GSE1: variants seen among roughly 807,000 people sequenced by gnomAD.
GSE1 encodes Gse1 coiled-coil protein, also known as genetic suppressor element 1.
Under a neutral mutation model 112.6 loss-of-function variants are expected in GSE1, and 32 were observed. The ratio of observed to expected loss-of-function variants is 0.28; its 90% CI spans 0.21 to 0.38. The LOEUF is 0.38. Ranked by LOEUF, GSE1 falls within the 10% of genes least tolerant of loss-of-function variation. The pLI is 1.00. For missense variants in GSE1, 2,348 were observed against 1,699.2 expected (o/e 1.38, Z -6.71); for synonymous variants, 1,115 against 735.6 (o/e 1.52, Z -8.35).
chr16:85,385,648 G>C (rs1489758287), intron 2 of GSE1, among the ~76,000 whole-genome samples: 1 of 152,198 alleles, frequency 6.6e-6, no homozygotes, highest in Non-Finnish European at 1.5e-5. Context: ...ATGGTCATGA[G>C]ACCCGGGGAG....
upstream of GSE1, among the ~76,000 whole-genome samples, chr16:85,612,455 G>A (rs891984474): frequency 2.0e-5 from 3 of 152,256 alleles, no homozygotes; most frequent in Admixed American, 6.5e-5. Context: ...GCCAGTTTCT[G>A]GAGGCGGGCG....
chr16:85,674,532 T>A lies in GSE1; in HGVS notation c.*1993T>A, dbSNP rs903744943. 6.6e-6 allele frequency: 1 copy of A among 152,236 alleles called. No individual in the cohort carries two copies. The highest frequency in any genetic ancestry group is 1.5e-5 in the Non-Finnish European group (1 of 68,036). 9.4% of individuals were successfully genotyped at this position (152,236 alleles called of 1,614,324 possible). A position where few individuals can be genotyped will look rare whatever the true frequency, so the allele number is the denominator to read the frequency against. On this transcript the variant is annotated 3_prime_UTR_variant, in exon 16 of 16. Coordinates refer to ENST00000253458, the MANE Select transcript of GSE1 (RefSeq NM_014615.5). ...TCACTGGATTTCTCCACTGAAAACC[T>A]ACTTGAGGTTTCTGGTCTGAAGGCT...
chr16:85,381,107 T>C (rs1263201394), intron 2 of GSE1, among the ~76,000 whole-genome samples: 1 of 152,162 alleles, frequency 6.6e-6, no homozygotes, highest in Non-Finnish European at 1.5e-5. Flanking sequence ...CGTTCCTCAC[T>C]CCCCCACCTT....
At chr16:85,220,863 G>A (rs1032482818) in intron 1 of GSE1, among the ~76,000 whole-genome samples, 4 of 151,292 alleles carry the variant, frequency 2.6e-5, no homozygotes, top group African/African-American at 4.9e-5. Context: ...TCCCTTTTCC[G>A]TTGCAGGAAA....
intron 2 of GSE1, among the ~76,000 whole-genome samples, chr16:85,501,759 G>A (rs1403661770): frequency 3.3e-5 from 5 of 152,200 alleles, no homozygotes; most frequent in Non-Finnish European, 7.4e-5. Context: ...GGTGAGAACC[G>A]CTCGGGTCAG....
chr16:85,300,131 C>T (rs991297948), intron 1 of GSE1, among the ~76,000 whole-genome samples: 2 of 152,020 alleles, frequency 1.3e-5, no homozygotes, highest in Non-Finnish European at 2.9e-5. Context: ...CCTGCCTCAG[C>T]CTCCCGAGTA....
At chr16:85,174,107 T>G (rs1249039986) in intron 1 of GSE1, among the ~76,000 whole-genome samples, 3 of 151,524 alleles carry the variant, frequency 2.0e-5, no homozygotes, top group African/African-American at 4.9e-5. Flanking sequence ...AGAAAAGAGG[T>G]AGAATTTGTT....
At chr16:85,302,964 C>T (rs961288431) in intron 1 of GSE1, among the ~76,000 whole-genome samples, 4 of 152,234 alleles carry the variant, frequency 2.6e-5, no homozygotes, top group African/African-American at 7.2e-5. Context: ...GGAGCCTCGG[C>T]CTCCCCACTG....
intron 1 of GSE1, among the ~76,000 whole-genome samples, chr16:85,251,559 T>C (rs1306399156): frequency 6.6e-6 from 1 of 152,142 alleles, no homozygotes; most frequent in Non-Finnish European, 1.5e-5. Flanking sequence ...CAGACAGGGC[T>C]GGAGAAGGGC....
chr16:85,251,046 C>T (rs1054260867), intron 1 of GSE1, among the ~76,000 whole-genome samples: 6 of 152,212 alleles, frequency 3.9e-5, no homozygotes, highest in East Asian at 1.9e-4. Context: ...TGCCACGTCT[C>T]GTTATCTGTT....
chr16:85,270,586 C>A (rs1295776406), intron 1 of GSE1, among the ~76,000 whole-genome samples: 1 of 148,954 alleles, frequency 6.7e-6, no homozygotes, highest in Non-Finnish European at 1.5e-5. Context: ...TAAATCAAAG[C>A]TCTCGGGCTG....
intron 1 of GSE1, among the ~76,000 whole-genome samples, chr16:85,283,734 C>T (rs1172069476): frequency 6.6e-6 from 1 of 152,210 alleles, no homozygotes; most frequent in East Asian, 1.9e-4. Context: ...GGCCTGTTCT[C>T]AGTGCTTCAT....
chr16:85,385,760 T>C (rs894471550), intron 2 of GSE1, among the ~76,000 whole-genome samples: 6 of 152,044 alleles, frequency 3.9e-5, no homozygotes, highest in Non-Finnish European at 7.4e-5. Context: ...TCGGCGGTAA[T>C]GGGGTCATAG....
intron 1 of GSE1, among the ~76,000 whole-genome samples, chr16:85,266,821 G>T (rs1327490828): frequency 6.6e-6 from 1 of 152,154 alleles, no homozygotes; most frequent in African/African-American, 2.4e-5. Flanking sequence ...GTGTGTTGAG[G>T]CCTGAGAGGC....
rs560794284 is a variant in GSE1 at position 85,493,440 on chromosome 16, C to T, written c.2464+135797C>T. 1.8e-4 allele frequency among the ~76,000 whole-genome samples: 28 copies of T among 152,056 alleles called. No homozygotes were observed. In the South Asian group the frequency reaches 5.6e-3, roughly 30 times the overall value. On this transcript the variant is annotated intron_variant, in intron 2 of 2. Coordinates refer to the GSE1 transcript ENST00000637419. ...CAGCATGGCCAACAGAGGCAAACCC[C>T]ATCTTTACAAAAAATTATATTAGCC...
chr16:85,357,766 G>A, intron 2 of GSE1: 1 of 473,558 alleles, frequency 2.1e-6, no homozygotes, highest in Non-Finnish European at 3.5e-6. Flanking sequence ...GCATCCTAGG[G>A]GAGAGACCGG....
At chr16:85,613,688 C>T (rs370532396) in intron 1 of GSE1, among the ~76,000 whole-genome samples, 3 of 81,058 alleles carry the variant, frequency 3.7e-5, no homozygotes, top group Admixed American at 1.2e-4. Flanking sequence ...TAAGTGCGTG[C>T]GGGCTAGAGG....
At chr16:85,493,724 A>G (rs2051081798) in intron 2 of GSE1, among the ~76,000 whole-genome samples, 1 of 138,584 alleles carries the variant, frequency 7.2e-6, no homozygotes, top group African/African-American at 2.7e-5. Flanking sequence ...CGGGAGGTAG[A>G]GGTTGTGGTA....
rs765783759 is a variant in GSE1 at position 85,654,470 on chromosome 16, C to T, written c.599+20C>T. On this transcript the variant is annotated intron_variant, in intron 4 of 15. Coordinates refer to ENST00000253458, the MANE Select transcript of GSE1 (RefSeq NM_014615.5). ...ACTCAAGTAAGTTGGTCGGCGGGGACTTCGGTGAGGTGGCCAGGTGGGGAC... is the reference window on the plus strand; with the variant it reads ...ACTCAAGTAAGTTGGTCGGCGGGGATTTCGGTGAGGTGGCCAGGTGGGGAC... The T allele has an allele frequency of 5.2e-6, 8 of 1,552,050 alleles. No homozygotes were observed. In the South Asian group the frequency reaches 9.9e-5, roughly 19 times the overall value.
Sources: gnomAD v4.1 joint callset for allele counts (sites outside exome capture counted in the v4.1 genomes callset) on GRCh38, gnomAD v4.1.1 for gene constraint, MANE v1.5 for transcripts, NCBI Gene and HGNC (gene_info 2026-07-23, HGNC 2026-07-21) for gene names.